Variants in CNTNAP2 observed in about 807,000 individuals in gnomAD.
CNTNAP2 encodes the protein contactin-associated protein-like 2.
Under a neutral mutation model 155.2 loss-of-function variants are expected in CNTNAP2, and 98 were observed. The ratio of observed to expected loss-of-function variants is 0.63; its 90% CI spans 0.54 to 0.75. The LOEUF (loss-of-function observed/expected upper bound fraction) is 0.75. CNTNAP2 is among the 30% of genes least tolerant of loss of function. CNTNAP2 has a pLI of 0.00. For missense variants in CNTNAP2, 1,727 were observed against 1,688.1 expected, an observed-to-expected ratio of 1.02 and a Z score of -0.40; for synonymous variants, 651 against 631.2, an observed-to-expected ratio of 1.03 and a Z score of -0.47.
intron 1 of CNTNAP2, among the ~76,000 whole-genome samples, chr7:146,551,436 G>C (rs955384491): frequency 1.3e-5 from 2 of 151,858 alleles, no homozygotes; most frequent in Non-Finnish European, 1.5e-5. Flanking sequence ...ATGGTTTCCA[G>C]CTTCATCCAT....
chr7:147,415,863 G>A, intron 10 of CNTNAP2, among the ~76,000 whole-genome samples: 1 of 152,172 alleles, frequency 6.6e-6, no homozygotes, highest in Admixed American at 6.5e-5. Flanking sequence ...GACAGGCCAA[G>A]GTGCATGGTC....
At chr7:146,248,184 G>A (rs939155909) in intron 1 of CNTNAP2, among the ~76,000 whole-genome samples, 1 of 151,970 alleles carries the variant, frequency 6.6e-6, no homozygotes, top group African/African-American at 2.4e-5. Flanking sequence ...GCGGAAATAA[G>A]GGATCGAGGC....
At chr7:147,699,687 A>G (rs146710180) in intron 13 of CNTNAP2, among the ~76,000 whole-genome samples, 2,504 of 152,272 alleles carry the variant, frequency 0.016, 221 homozygotes, top group Admixed American at 0.15. Context: ...TATTGATGTG[A>G]AAGTCACAAA....
intron 9 of CNTNAP2, among the ~76,000 whole-genome samples, chr7:147,306,016 C>T (rs575280209): frequency 2.6e-5 from 4 of 152,292 alleles, no homozygotes; most frequent in Admixed American, 1.3e-4. Context: ...CTGATAAGGA[C>T]ACCACTCATG....
chr7:148,146,853 T>C (rs1805191892), intron 16 of CNTNAP2, among the ~76,000 whole-genome samples: 1 of 152,048 alleles, frequency 6.6e-6, no homozygotes, highest in Admixed American at 6.6e-5. Context: ...AATTCAAGGG[T>C]CCCCAACTTT....
intron 14 of CNTNAP2, among the ~76,000 whole-genome samples, chr7:147,945,641 G>A (rs1388981642): frequency 6.6e-6 from 1 of 151,554 alleles, no homozygotes; most frequent in Non-Finnish European, 1.5e-5. Flanking sequence ...ACCTCGAAGG[G>A]CAGTCAGGCA....
intron 1 of CNTNAP2, among the ~76,000 whole-genome samples, chr7:146,216,707 A>G (rs1475043539): frequency 6.6e-6 from 1 of 152,232 alleles, no homozygotes; most frequent in Non-Finnish European, 1.5e-5. Context: ...GTACAAAGCA[A>G]GAAACTGCCT....
intron 3 of CNTNAP2, among the ~76,000 whole-genome samples, chr7:146,999,125 CT>C (rs1798373839): frequency 6.6e-6 from 1 of 150,442 alleles, no homozygotes; most frequent in Admixed American, 6.6e-5. Flanking sequence ...TTATTCTTTG[CT>C]TTTTCTGTTA....
chr7:147,546,990 G>A (rs903616935), intron 11 of CNTNAP2, among the ~76,000 whole-genome samples: 5 of 152,148 alleles, frequency 3.3e-5, no homozygotes, highest in Non-Finnish European at 7.3e-5. Flanking sequence ...CTGTATCTGT[G>A]ATTAGCTAAT....
chr7:147,710,441 T>A (rs1563060933), intron 13 of CNTNAP2, among the ~76,000 whole-genome samples: 1 of 152,154 alleles, frequency 6.6e-6, no homozygotes, highest in South Asian at 2.1e-4. Flanking sequence ...TATTTATCTT[T>A]TCAAGAATCC....
intron 8 of CNTNAP2, among the ~76,000 whole-genome samples, chr7:147,265,997 C>CA (rs1296599781): frequency 6.6e-6 from 1 of 152,142 alleles, no homozygotes; most frequent in African/African-American, 2.4e-5. Context: ...TCAGCAACCT[C>CA]AAAGATCTGA....
At chr7:147,492,510 TTTTGA>T (rs1798627335) in intron 11 of CNTNAP2, among the ~76,000 whole-genome samples, 2 of 152,224 alleles carry the variant, frequency 1.3e-5, no homozygotes, top group East Asian at 3.8e-4. Flanking sequence ...CATAAAAATC[TTTTGA>T]TTTATCATGT....
At chr7:146,235,938 T>C (rs1454735150) in intron 1 of CNTNAP2, among the ~76,000 whole-genome samples, 1 of 149,074 alleles carries the variant, frequency 6.7e-6, no homozygotes, top group Non-Finnish European at 1.5e-5. Context: ...CTCTGATCCA[T>C]AGTACATATG....
intron 2 of CNTNAP2, among the ~76,000 whole-genome samples, chr7:146,820,796 A>T (rs1803265417): frequency 6.6e-6 from 1 of 152,220 alleles, no homozygotes; most frequent in East Asian, 1.9e-4. Flanking sequence ...ATTGTGTGGG[A>T]GTCTCAGTCT....
At chr7:146,550,989 T>C (rs1382403426) in intron 1 of CNTNAP2, among the ~76,000 whole-genome samples, 1 of 151,968 alleles carries the variant, frequency 6.6e-6, no homozygotes, top group African/African-American at 2.4e-5. Context: ...CAGGCATGAT[T>C]GCGGGAAAAT....
At chr7:146,488,707 C>G (rs188745555) in intron 1 of CNTNAP2, among the ~76,000 whole-genome samples, 79 of 152,244 alleles carry the variant, frequency 5.2e-4, no homozygotes, top group African/African-American at 1.7e-3. Context: ...GGCTCACTTG[C>G]AGCTTCGACC....
At chr7:148,120,509 T>A (rs1427057597) in intron 16 of CNTNAP2, among the ~76,000 whole-genome samples, 23 of 152,004 alleles carry the variant, frequency 1.5e-4, no homozygotes, top group Admixed American at 1.5e-3. Context: ...TCAGGCAGTG[T>A]GCCTGCCTTG....
chr7:146,650,228 A>G (rs1053653474), intron 1 of CNTNAP2, among the ~76,000 whole-genome samples: 9 of 152,212 alleles, frequency 5.9e-5, no homozygotes, highest in African/African-American at 2.2e-4. Context: ...TCATTCTACT[A>G]TAAAGACACA....
At chr7:146,217,806 A>G (rs1010821841) in intron 1 of CNTNAP2, among the ~76,000 whole-genome samples, 9 of 152,200 alleles carry the variant, frequency 5.9e-5, no homozygotes, top group South Asian at 2.1e-4. Flanking sequence ...ACATAGTTAT[A>G]TATAGATTGT....
Sources: gnomAD v4.1 joint callset for allele counts (sites outside exome capture counted in the v4.1 genomes callset) on GRCh38, gnomAD v4.1.1 for gene constraint, MANE v1.5 for transcripts, NCBI Gene and HGNC (gene_info 2026-07-23, HGNC 2026-07-21) for gene names.